Variants in INPP4B observed in about 807,000 individuals in gnomAD.
INPP4B encodes inositol polyphosphate-4-phosphatase type II B.
A neutral mutation model predicts 122.5 loss-of-function variants in INPP4B; 55 were observed. The ratio of observed to expected loss-of-function variants is 0.45; its 90% confidence interval spans 0.36 to 0.56. The LOEUF (loss-of-function observed/expected upper bound fraction) is 0.56, where lower values mean the gene tolerates loss of function less well. Ranked by LOEUF, INPP4B falls within the 20% of genes least tolerant of loss-of-function variation. The pLI is 0.00. For synonymous variants in INPP4B, 403 were observed against 388.7 expected, an observed-to-expected ratio of 1.04 and a Z score of -0.43; for missense variants, 1,000 against 1,097.7, an observed-to-expected ratio of 0.91 and a Z score of 1.26.
chr4:142,060,420 A>G (rs1280600936), intron 25 of INPP4B, among the ~76,000 whole-genome samples: 5 of 152,232 alleles, frequency 3.3e-5, no homozygotes, highest in East Asian at 3.8e-4. Context: ...ATGACAATAT[A>G]TACCACAAAG....
At chr4:142,242,906 G>T (rs553593977) in intron 11 of INPP4B, among the ~76,000 whole-genome samples, 2 of 152,232 alleles carry the variant, frequency 1.3e-5, no homozygotes, top group South Asian at 4.2e-4. Context: ...AGAGAGCTGT[G>T]TGGTTTTTCT....
At chr4:142,045,336 G>A (rs750185634) in intron 25 of INPP4B, among the ~76,000 whole-genome samples, 4 of 152,024 alleles carry the variant, frequency 2.6e-5, no homozygotes, top group Non-Finnish European at 5.9e-5. Context: ...ATGCCACAAT[G>A]CCTTTGTACT....
intron 2 of INPP4B, among the ~76,000 whole-genome samples, chr4:142,563,632 T>C (rs572815932): frequency 1.1e-4 from 16 of 152,306 alleles, no homozygotes; most frequent in African/African-American, 3.6e-4. Flanking sequence ...ATCAAGAACT[T>C]GAGTCTATTT....
At chr4:142,427,572 T>A (rs1808381450) in intron 5 of INPP4B, 1 of 493,546 alleles carries the variant, frequency 2.0e-6, no homozygotes, top group African/African-American at 2.0e-5. Context: ...TAGATTCTCT[T>A]AATTGCACTA....
chr4:142,089,330 T>C (rs1778325901), intron 23 of INPP4B, among the ~76,000 whole-genome samples: 1 of 152,108 alleles, frequency 6.6e-6, no homozygotes, highest in Admixed American at 6.6e-5. Context: ...TAACATGAGA[T>C]GAAGACATCA....
At chr4:142,484,149 T>C (rs1820924948) in intron 2 of INPP4B, among the ~76,000 whole-genome samples, 1 of 152,046 alleles carries the variant, frequency 6.6e-6, no homozygotes, top group Non-Finnish European at 1.5e-5. Flanking sequence ...ATGACTTTGC[T>C]AACTTGGAAA....
In INPP4B at chr4:142,145,967, G is replaced by C; in HGVS notation, c.1593C>G (p.Ser531Arg). Residue 531 changes from serine to arginine, a missense_variant, in exon 18 of 26, where the codon AGC becomes AGG. Coordinates refer to ENST00000262992, the MANE Select transcript of INPP4B (RefSeq NM_001101669.3). Reference protein sequence around the residue: ...WDRVWANVGKSLNCIIAMVDK... With the variant: ...WDRVWANVGKRLNCIIAMVDK... ...CCACCATAGCAATAATGCAGTTCAG[G>C]CTCTTCCCCACATTGGCCCACACCC... The C allele has an allele frequency of 6.2e-7, 1 of 1,613,402 alleles. No individual in the cohort carries two copies. Among genetic ancestry groups the C allele is most frequent in the Non-Finnish European group, 8.5e-7 (1 of 1,179,556 alleles).
At chr4:142,170,432 A>G (rs1825053462) in intron 16 of INPP4B, among the ~76,000 whole-genome samples, 1 of 151,684 alleles carries the variant, frequency 6.6e-6, no homozygotes, top group Non-Finnish European at 1.5e-5. Flanking sequence ...CCGTAGTCCT[A>G]TGTACAAGCA....
chr4:142,644,760 A>AAAAC (rs1751354773), intron 2 of INPP4B, among the ~76,000 whole-genome samples: 1 of 148,692 alleles, frequency 6.7e-6, no homozygotes, highest in African/African-American at 2.5e-5. Flanking sequence ...AAAAAAAAAA[A>AAAAC]AAAAAAATTG....
intron 2 of INPP4B, among the ~76,000 whole-genome samples, chr4:142,640,472 T>A (rs967774183): frequency 1.3e-5 from 2 of 152,082 alleles, no homozygotes; most frequent in African/African-American, 4.8e-5. Flanking sequence ...GACAGTTGGA[T>A]ACTGATATAA....
chr4:142,713,664 A>G (rs1039730029), intron 2 of INPP4B, among the ~76,000 whole-genome samples: 7 of 152,218 alleles, frequency 4.6e-5, no homozygotes, highest in African/African-American at 1.7e-4. Flanking sequence ...CCAGAAACAC[A>G]GCTTTGAAAG....
chr4:142,808,530 T>C (rs1381962527), intron 1 of INPP4B, among the ~76,000 whole-genome samples: 1 of 152,188 alleles, frequency 6.6e-6, no homozygotes, highest in Non-Finnish European at 1.5e-5. Flanking sequence ...GGCAACAGAC[T>C]ACTTTAGATA....
chr4:142,595,841 T>G (rs930309882), intron 2 of INPP4B, among the ~76,000 whole-genome samples: 6 of 152,086 alleles, frequency 3.9e-5, no homozygotes, highest in African/African-American at 1.4e-4. Flanking sequence ...CCAAGGTAGA[T>G]TCTATGTATT....
intron 21 of INPP4B, among the ~76,000 whole-genome samples, chr4:142,116,160 A>G (rs1793233125): frequency 6.6e-6 from 1 of 152,196 alleles, no homozygotes; most frequent in African/African-American, 2.4e-5. Context: ...AGATTCATAA[A>G]GCAAGTCCTT....
At position 142,552,451 on chromosome 4, in the gene INPP4B, G is replaced by GT. The variant is rs1466061338; in HGVS notation, c.-190-89726_-190-89725insA. Among the ~76,000 whole-genome samples the GT allele has an allele frequency of 4.8e-4, 72 of 151,566 alleles. 1 individual carries two copies. Among genetic ancestry groups the GT allele is most frequent in the African/African-American group, 1.6e-3 (65 of 41,334 alleles). Reference sequence around the variant, plus strand: ...GTCTTAAAAAAAAAAACAAAAAGAAGAAGAAGTTACTTACTGGGACCCTGC... The same window carrying GT: ...GTCTTAAAAAAAAAAACAAAAAGAAGTAAGAAGTTACTTACTGGGACCCTGC... On this transcript the variant is annotated intron_variant, in intron 2 of 25. Coordinates refer to ENST00000262992, the MANE Select transcript of INPP4B (RefSeq NM_001101669.3).
At chr4:142,578,829 CA>C (rs970222856) in intron 2 of INPP4B, among the ~76,000 whole-genome samples, 13 of 152,104 alleles carry the variant, frequency 8.5e-5, no homozygotes, top group Admixed American at 7.9e-4. Context: ...TTTACTGCTA[CA>C]ACTTTTTAAA....
intron 9 of INPP4B, among the ~76,000 whole-genome samples, chr4:142,292,788 G>GA (rs1426598931): frequency 6.6e-6 from 1 of 152,028 alleles, no homozygotes; most frequent in East Asian, 1.9e-4. Context: ...GTGAACATAG[G>GA]AAAAAAGAAG....
At chr4:142,282,560 A>G (rs1456054164) in intron 9 of INPP4B, among the ~76,000 whole-genome samples, 2 of 152,148 alleles carry the variant, frequency 1.3e-5, no homozygotes, top group African/African-American at 4.8e-5. Context: ...AATCCACGTT[A>G]TAACTAATTC....
intron 2 of INPP4B, among the ~76,000 whole-genome samples, chr4:142,503,927 A>G (rs1823694999): frequency 6.6e-6 from 1 of 152,078 alleles, no homozygotes; most frequent in African/African-American, 2.4e-5. Flanking sequence ...ATCCTTCACC[A>G]TACACAAAAA....
Sources: gnomAD v4.1 joint callset for allele counts (sites outside exome capture counted in the v4.1 genomes callset) on GRCh38, gnomAD v4.1.1 for gene constraint, MANE v1.5 for transcripts, NCBI Gene and HGNC (gene_info 2026-07-23, HGNC 2026-07-21) for gene names.